FOXJ3: variants seen among roughly 807,000 people sequenced by gnomAD.
FOXJ3 encodes forkhead box J3, also known as forkhead box protein J3.
A neutral mutation model predicts 76.1 loss-of-function variants in FOXJ3; 22 were observed. That is an observed-to-expected ratio of 0.29 (90% confidence interval 0.21 to 0.41). FOXJ3 has a LOEUF of 0.41. Among genes scored for constraint, FOXJ3 ranks in the 10% least tolerant of loss-of-function variants. The pLI is 1.00. For synonymous variants in FOXJ3, 269 were observed against 261.2 expected, an observed-to-expected ratio of 1.03 and a Z score of -0.29; for missense variants, 613 against 762.1, an observed-to-expected ratio of 0.80 and a Z score of 2.30.
chr1:42,252,679 T>C (rs1213813785), intron 4 of FOXJ3, among the ~76,000 whole-genome samples: 1 of 151,998 alleles, frequency 6.6e-6, no homozygotes, highest in Non-Finnish European at 1.5e-5. Flanking sequence ...CTTTTGAATG[T>C]GTTTGCTCTT....
At chr1:42,257,920 C>G (rs557509163) in intron 4 of FOXJ3, among the ~76,000 whole-genome samples, 1 of 152,144 alleles carries the variant, frequency 6.6e-6, no homozygotes, top group African/African-American at 2.4e-5. Context: ...AAGTACCCTG[C>G]ATATTTATCT....
intron 2 of FOXJ3, among the ~76,000 whole-genome samples, chr1:42,304,278 C>T (rs1372953854): frequency 6.6e-6 from 1 of 151,886 alleles, no homozygotes; most frequent in East Asian, 1.9e-4. Context: ...GAAAGATAGT[C>T]CACGTTCATG....
chr1:42,307,887 TAAC>T (rs1424674782), intron 2 of FOXJ3, among the ~76,000 whole-genome samples: 2 of 152,228 alleles, frequency 1.3e-5, no homozygotes, highest in African/African-American at 2.4e-5. Flanking sequence ...AGTCTAATTT[TAAC>T]AACAATTCTA....
At chr1:42,270,531 A>G (rs1651793029) in intron 3 of FOXJ3, among the ~76,000 whole-genome samples, 1 of 152,194 alleles carries the variant, frequency 6.6e-6, no homozygotes, top group Admixed American at 6.5e-5. Flanking sequence ...CATAAAACCC[A>G]CAAAGAAAAG....
intron 5 of FOXJ3, among the ~76,000 whole-genome samples, chr1:42,213,839 A>C (rs1364919554): frequency 6.6e-6 from 1 of 152,220 alleles, no homozygotes; most frequent in Non-Finnish European, 1.5e-5. Context: ...AATGGGTACA[A>C]AGTTCTGGTG....
intron 4 of FOXJ3, among the ~76,000 whole-genome samples, chr1:42,241,926 C>A (rs1649175505): frequency 6.6e-6 from 1 of 152,220 alleles, no homozygotes; most frequent in South Asian, 2.1e-4. Context: ...TACTGAGCAT[C>A]CACATCCTTA....
intron 2 of FOXJ3, among the ~76,000 whole-genome samples, chr1:42,297,581 G>A (rs922419256): frequency 2.0e-5 from 3 of 152,150 alleles, no homozygotes; most frequent in African/African-American, 7.2e-5. Context: ...ATTTGCATAT[G>A]CTTAAACATT....
chr1:42,332,012 T>C (rs895352990), intron 1 of FOXJ3, among the ~76,000 whole-genome samples: 1 of 152,174 alleles, frequency 6.6e-6, no homozygotes, highest in East Asian at 1.9e-4. Context: ...CTTTCAATTT[T>C]CTCTCTAAGT....
intron 4 of FOXJ3, among the ~76,000 whole-genome samples, chr1:42,259,905 C>G (rs1252060783): frequency 6.6e-6 from 1 of 152,106 alleles, no homozygotes; most frequent in African/African-American, 2.4e-5. Flanking sequence ...TGCTAGCAAC[C>G]TCATCTATTC....
chr1:42,257,605 G>A (rs899714313), intron 4 of FOXJ3, among the ~76,000 whole-genome samples: 5 of 152,030 alleles, frequency 3.3e-5, no homozygotes, highest in African/African-American at 9.7e-5. Context: ...CAGGCGTGGT[G>A]GCACACGCTT....
intron 5 of FOXJ3, among the ~76,000 whole-genome samples, chr1:42,210,091 A>C (rs1479803411): frequency 6.6e-6 from 1 of 152,176 alleles, no homozygotes; most frequent in Admixed American, 6.5e-5. Context: ...CTGTGTTGCC[A>C]AGTCCGTGGG....
intron 1 of FOXJ3, among the ~76,000 whole-genome samples, chr1:42,322,784 A>G (rs1407374330): frequency 5.3e-5 from 8 of 152,130 alleles, no homozygotes; most frequent in Admixed American, 4.6e-4. Context: ...TGAGAACTGA[A>G]TATGAGCCAA....
intron 2 of FOXJ3, among the ~76,000 whole-genome samples, chr1:42,281,549 G>C (rs1472870290): frequency 1.3e-5 from 2 of 152,162 alleles, no homozygotes; most frequent in African/African-American, 2.4e-5. Flanking sequence ...CAAATTTTAA[G>C]TACACTATAA....
At chr1:42,296,323 TTTAA>T (rs774144195) in intron 2 of FOXJ3, among the ~76,000 whole-genome samples, 8 of 152,228 alleles carry the variant, frequency 5.3e-5, no homozygotes, top group Non-Finnish European at 1.2e-4. Context: ...GAAGCTTTAG[TTTAA>T]TTAAGTCTCA....
chr1:42,311,640 T>G (rs1654814656), intron 1 of FOXJ3, among the ~76,000 whole-genome samples: 1 of 55,374 alleles, frequency 1.8e-5, no homozygotes, highest in Non-Finnish European at 3.8e-5. Context: ...GTTCCATTGC[T>G]TTAAAAAAAA....
At chr1:42,252,896 C>A (rs985904639) in intron 4 of FOXJ3, among the ~76,000 whole-genome samples, 1 of 150,330 alleles carries the variant, frequency 6.7e-6, no homozygotes, top group Admixed American at 6.6e-5. Flanking sequence ...CCTTTGAAAA[C>A]TGGCACAAGA....
Position 42,291,737 on chromosome 1 carries a change from G to A in FOXJ3, c.45-13065C>T, listed in dbSNP as rs142627633. Among the ~76,000 whole-genome samples the A allele has an allele frequency of 1.1e-4, 16 of 152,286 alleles. 1 individual carries two copies. The highest frequency in any genetic ancestry group is 3.6e-4 in the African/African-American group (15 of 41,558). The stretch of plus-strand genomic sequence containing the variant: ...CAAGGCTGCAGTGAGCTATGATCAT[G>A]CCACTGTACTCCAGCCTGGGCAACA... On this transcript the variant is annotated intron_variant, in intron 2 of 12. Transcript: ENST00000361346.
At chr1:42,296,380 A>C (rs1380028728) in intron 2 of FOXJ3, among the ~76,000 whole-genome samples, 1 of 152,170 alleles carries the variant, frequency 6.6e-6, no homozygotes, top group Admixed American at 6.5e-5. Flanking sequence ...CGCCTAGGCC[A>C]ACATCCAAGA....
chr1:42,324,435 A>T (rs1655708496), intron 1 of FOXJ3, among the ~76,000 whole-genome samples: 1 of 149,544 alleles, frequency 6.7e-6, no homozygotes. Context: ...GTTTTAGACA[A>T]AACTATCTGT....
Sources: allele counts gnomAD v4.1 joint callset (sites outside exome capture counted in the v4.1 genomes callset), GRCh38; gene constraint gnomAD v4.1.1; transcripts MANE v1.5; gene names NCBI Gene and HGNC (gene_info 2026-07-23, HGNC 2026-07-21).